Variants in LRRC72 observed in about 807,000 individuals in gnomAD.
The protein encoded by LRRC72 is leucine-rich repeat-containing protein 72.
A neutral mutation model predicts 35.8 loss-of-function variants in LRRC72; 41 were observed. That is an observed-to-expected ratio of 1.15 (90% CI 0.89 to 1.49). LRRC72 has a LOEUF of 1.49. Among genes scored for constraint, LRRC72 ranks in the 40% most tolerant of loss-of-function variants. LRRC72 has a pLI of 0.00. For missense variants in LRRC72, 389 were observed against 330.7 expected (o/e 1.18, Z -1.37); for synonymous variants, 118 against 119.2 (o/e 0.99, Z 0.07).
intron 1 of LRRC72, among the ~76,000 whole-genome samples, chr7:16,532,250 A>G (rs948344857): frequency 1.3e-5 from 2 of 152,124 alleles, no homozygotes; most frequent in South Asian, 2.1e-4. Context: ...ACACATACAT[A>G]TTTTTTTCTC....
At chr7:16,528,744 CAT>C (rs1315120376) in intron 1 of LRRC72, among the ~76,000 whole-genome samples, 1 of 152,138 alleles carries the variant, frequency 6.6e-6, no homozygotes, top group African/African-American at 2.4e-5. Flanking sequence ...GGCTTTGTCA[CAT>C]GTTTTTTCTA....
chr7:16,581,455 A>G lies in LRRC72; in HGVS notation c.830A>G (p.Glu277Gly), dbSNP rs947920911. ...AGGTACCTTGAAGAGGAAGGCACAG[A>G]AACAGCTCAAATGCTCACAGTTACA... ...EERYLEEEGT[E>G]TAQMLTVTLR is the part of the protein sequence containing the mutation. The change falls in exon 9 of 9, where the codon GAA becomes GGA. Residue 277 changes from glutamate to glycine, a missense_variant. Physicochemically the swap from Glu to Gly is moderately conservative, Grantham distance 98. Transcript: ENST00000401542. The G allele has an allele frequency of 6.5e-7, 1 of 1,550,132 alleles. No individual in the cohort carries two copies. The highest frequency in any genetic ancestry group is 2.0e-5 in the Admixed American group (1 of 50,854).
At chr7:16,561,111 T>C (rs1188402015) in intron 5 of LRRC72, among the ~76,000 whole-genome samples, 1 of 152,186 alleles carries the variant, frequency 6.6e-6, no homozygotes, top group Admixed American at 6.5e-5. Context: ...CATTCATTCA[T>C]TTAATAAATG....
intron 2 of LRRC72, among the ~76,000 whole-genome samples, chr7:16,533,609 A>C (rs1782204589): frequency 6.6e-6 from 1 of 152,104 alleles, no homozygotes; most frequent in Non-Finnish European, 1.5e-5. Context: ...CAACAAATTT[A>C]ATCACTTATT....
intron 2 of LRRC72, among the ~76,000 whole-genome samples, chr7:16,533,654 ATATT>A (rs1241892140): frequency 1.3e-5 from 2 of 152,076 alleles, no homozygotes; most frequent in Non-Finnish European, 2.9e-5. Context: ...ATTATTAAAC[ATATT>A]TATTTTATTA....
chr7:16,561,697 C>A (rs1782746283), intron 5 of LRRC72, among the ~76,000 whole-genome samples: 1 of 151,948 alleles, frequency 6.6e-6, no homozygotes, highest in African/African-American at 2.4e-5. Context: ...TGTCCAATTA[C>A]AAAAAACAAA....
At chr7:16,574,479 T>G (rs1011352537) in intron 7 of LRRC72, among the ~76,000 whole-genome samples, 1 of 152,144 alleles carries the variant, frequency 6.6e-6, no homozygotes, top group Admixed American at 6.5e-5. Context: ...ATAAAAAGGA[T>G]GAGTTCATGT....
intron 8 of LRRC72, among the ~76,000 whole-genome samples, chr7:16,580,362 G>A (rs1405578882): frequency 2.0e-5 from 3 of 152,118 alleles, no homozygotes; most frequent in Non-Finnish European, 2.9e-5. Context: ...AATAAACCTC[G>A]CCAGGCGCAG....
At chr7:16,528,498 C>T (rs1782111065) in intron 1 of LRRC72, among the ~76,000 whole-genome samples, 1 of 152,142 alleles carries the variant, frequency 6.6e-6, no homozygotes, top group Non-Finnish European at 1.5e-5. Flanking sequence ...TCACCTGTGA[C>T]TTCCCTCGTG....
intron 1 of LRRC72, among the ~76,000 whole-genome samples, chr7:16,531,237 T>C (rs1216024207): frequency 6.7e-6 from 1 of 150,358 alleles, no homozygotes; most frequent in Non-Finnish European, 1.5e-5. Flanking sequence ...CAGATGACAA[T>C]GTCTAAGCCT....
At chr7:16,540,551 G>A (rs1203987775) in intron 3 of LRRC72, among the ~76,000 whole-genome samples, 2 of 152,136 alleles carry the variant, frequency 1.3e-5, no homozygotes, top group African/African-American at 2.4e-5. Context: ...AGATTTGGGA[G>A]GGGACAGAGG....
chr7:16,552,905 T>G (rs941198859), intron 3 of LRRC72, among the ~76,000 whole-genome samples: 1 of 152,204 alleles, frequency 6.6e-6, no homozygotes, highest in African/African-American at 2.4e-5. Flanking sequence ...AGTTCTACCA[T>G]GTAGTAGCTG....
chr7:16,577,620 A>C (rs547662783), intron 7 of LRRC72, among the ~76,000 whole-genome samples: 1 of 152,350 alleles, frequency 6.6e-6, no homozygotes, highest in Admixed American at 6.5e-5. Context: ...TCATATAGGA[A>C]GAAAATTAAA....
At position 16,537,631 on chromosome 7, in the gene LRRC72, C is replaced by T. The variant is rs1232486284; in HGVS notation, c.169C>T (p.Leu57=). The part of the protein sequence containing the change: ...VFELFLSKKE[L]TEVIDLSRFK... ...ACATTTTTTTTTTCTTTCCAGGGAA[C>T]TGACAGAGGTCATTGATCTTTCTAG... The change falls in exon 3 of 9, where the codon CTG becomes TTG. Residue 57 remains leucine, a synonymous_variant. Transcript: ENST00000401542. 2 of 1,519,526 alleles carry T rather than the reference C, an allele frequency of 1.3e-6. No individual in the cohort carries two copies. The highest frequency in any genetic ancestry group is 2.5e-5 in the East Asian group (1 of 40,278). 94.1% of individuals were successfully genotyped at this position (1,519,526 alleles called of 1,614,324 possible).
intron 7 of LRRC72, among the ~76,000 whole-genome samples, chr7:16,571,563 G>A (rs1024109298): frequency 6.6e-6 from 1 of 152,186 alleles, no homozygotes; most frequent in Non-Finnish European, 1.5e-5. Flanking sequence ...GCAGAATGGG[G>A]TGTCGCCTCA....
At chr7:16,544,918 G>A (rs567286025) in intron 3 of LRRC72, among the ~76,000 whole-genome samples, 391 of 152,200 alleles carry the variant, frequency 2.6e-3, no homozygotes, top group Non-Finnish European at 3.7e-3. Context: ...TTACATAAAA[G>A]GACGCTTCTG....
chr7:16,549,203 T>C (rs1782505059), intron 3 of LRRC72, among the ~76,000 whole-genome samples: 1 of 152,228 alleles, frequency 6.6e-6, no homozygotes. Flanking sequence ...TTTTTGTTCA[T>C]TTGAAAATGT....
chr7:16,555,337 G>A (rs372123779), intron 3 of LRRC72, among the ~76,000 whole-genome samples: 12 of 152,264 alleles, frequency 7.9e-5, no homozygotes, highest in South Asian at 2.1e-4. Context: ...TTCAAACTTC[G>A]AATACAAATC....
At chr7:16,581,266 T>C in intron 8 of LRRC72, 58 bp from the exon 9 acceptor site, 1 of 1,387,840 alleles carries the variant, frequency 7.2e-7, no homozygotes, top group Non-Finnish European at 9.5e-7. Flanking sequence ...AATTTCATTT[T>C]GGTCAAATTT....
Sources: allele counts gnomAD v4.1 joint callset (sites outside exome capture counted in the v4.1 genomes callset), GRCh38; gene constraint gnomAD v4.1.1; transcripts MANE v1.5; gene names NCBI Gene and HGNC (gene_info 2026-07-23, HGNC 2026-07-21).